The following NRXN3 variants were observed in gnomAD, a reference collection of about 807,000 sequenced individuals.
The protein encoded by NRXN3 is neurexin 3, also known as neurexin III.
Under a neutral mutation model 137.6 loss-of-function variants are expected in NRXN3, and 32 were observed. The ratio of observed to expected loss-of-function variants is 0.23; its 90% CI spans 0.18 to 0.31. NRXN3 has a LOEUF of 0.31. Among genes scored for constraint, NRXN3 ranks in the 10% least tolerant of loss-of-function variants. The pLI is 1.00. For missense variants in NRXN3, 1,574 were observed against 2,062.5 expected (o/e 0.76, Z 4.59); for synonymous variants, 798 against 784.5 (o/e 1.02, Z -0.29).
At chr14:79,111,445 T>C (rs2053496476) in intron 15 of NRXN3, among the ~76,000 whole-genome samples, 2 of 151,982 alleles carry the variant, frequency 1.3e-5, no homozygotes, top group African/African-American at 4.8e-5. Context: ...CTGCTTAAAG[T>C]TTATTAACAA....
intron 1 of NRXN3, among the ~76,000 whole-genome samples, chr14:78,202,707 T>G (rs951299415): frequency 1.3e-5 from 2 of 152,200 alleles, no homozygotes; most frequent in Non-Finnish European, 2.9e-5. Context: ...TTGCTGTGGG[T>G]GGGGACAGTG....
At chr14:78,546,911 A>C (rs1212611026) in intron 4 of NRXN3, among the ~76,000 whole-genome samples, 1 of 151,948 alleles carries the variant, frequency 6.6e-6, no homozygotes, top group African/African-American at 2.4e-5. Context: ...GAGGAGGTCA[A>C]GTGGTGAATG....
chr14:78,821,187 G>A lies in NRXN3; in HGVS notation c.2275+10843G>A, dbSNP rs141460306. Reference sequence around the variant, plus strand: ...GAATTAGAATATTTTTACCTAAACCGATGAATAGGAGTGGAATGAAATTTA... The same window carrying A: ...GAATTAGAATATTTTTACCTAAACCAATGAATAGGAGTGGAATGAAATTTA... On this transcript the variant is annotated intron_variant, in intron 10 of 20. Coordinates refer to ENST00000335750, the MANE Select transcript of NRXN3 (RefSeq NM_001330195.2). Among the ~76,000 whole-genome samples, 503 of 152,240 alleles carry A rather than the reference G, an allele frequency of 3.3e-3. 4 individuals carry two copies. Among genetic ancestry groups the A allele is most frequent in the African/African-American group, 0.012 (479 of 41,546 alleles).
chr14:79,513,459 G>A (rs1263389634), intron 16 of NRXN3, among the ~76,000 whole-genome samples: 2 of 152,128 alleles, frequency 1.3e-5, no homozygotes, highest in Admixed American at 1.3e-4. Flanking sequence ...GTACAGTGAG[G>A]GAATAATCTG....
At chr14:78,560,564 G>T (rs562657286) in intron 4 of NRXN3, among the ~76,000 whole-genome samples, 3 of 152,130 alleles carry the variant, frequency 2.0e-5, no homozygotes, top group Non-Finnish European at 4.4e-5. Context: ...CTGACCCCTC[G>T]CTAGCTGCAG....
chr14:79,732,046 C>A (rs74798460), intron 19 of NRXN3, among the ~76,000 whole-genome samples: 2,108 of 152,122 alleles, frequency 0.014, 54 homozygotes, highest in African/African-American at 0.049. Flanking sequence ...ACAAAGTGAA[C>A]AAATGTGCCA....
intron 15 of NRXN3, among the ~76,000 whole-genome samples, chr14:79,172,351 T>C (rs753748022): frequency 1.3e-5 from 2 of 152,178 alleles, no homozygotes; most frequent in African/African-American, 2.4e-5. Context: ...AATGTATCCC[T>C]CATGTTTATT....
intron 4 of NRXN3, among the ~76,000 whole-genome samples, chr14:78,463,122 G>T (rs1302178135): frequency 6.6e-6 from 1 of 152,136 alleles, no homozygotes; most frequent in African/African-American, 2.4e-5. Context: ...TTCTGAAATA[G>T]TTCACTTAGG....
intron 15 of NRXN3, among the ~76,000 whole-genome samples, chr14:79,422,432 T>A (rs2054098341): frequency 6.6e-6 from 1 of 152,156 alleles, no homozygotes; most frequent in Non-Finnish European, 1.5e-5. Context: ...CACATTTTGA[T>A]GTTCACTACC....
At chr14:78,591,977 T>A (rs1229058224) in intron 4 of NRXN3, among the ~76,000 whole-genome samples, 1 of 152,194 alleles carries the variant, frequency 6.6e-6, no homozygotes, top group Non-Finnish European at 1.5e-5. Flanking sequence ...TGCGTAGGCC[T>A]CAGACTTCTG....
At chr14:78,283,905 CAA>C (rs550581735) in intron 3 of NRXN3, among the ~76,000 whole-genome samples, 84 of 152,324 alleles carry the variant, frequency 5.5e-4, no homozygotes, top group Non-Finnish European at 1.0e-3. Flanking sequence ...CCTTATTAAA[CAA>C]AAGTTTGCCA....
intron 8 of NRXN3, among the ~76,000 whole-genome samples, chr14:78,778,289 C>T (rs1219641720): frequency 6.6e-6 from 1 of 152,122 alleles, no homozygotes; most frequent in African/African-American, 2.4e-5. Context: ...AAGTCTGACA[C>T]ATGGAGTTTA....
intron 17 of NRXN3, among the ~76,000 whole-genome samples, chr14:79,689,329 G>C (rs189368289): frequency 6.6e-6 from 1 of 152,014 alleles, no homozygotes; most frequent in African/African-American, 2.4e-5. Flanking sequence ...GGTTGTTTGC[G>C]CTTCAGTCAA....
chr14:78,419,216 C>G (rs1389754729), intron 4 of NRXN3, among the ~76,000 whole-genome samples: 1 of 152,114 alleles, frequency 6.6e-6, no homozygotes, highest in Non-Finnish European at 1.5e-5. Context: ...TCTCCTAAGC[C>G]TCTAGTCCAA....
intron 15 of NRXN3, among the ~76,000 whole-genome samples, chr14:79,163,529 G>T (rs1253030789): frequency 6.6e-6 from 1 of 151,726 alleles, no homozygotes; most frequent in Non-Finnish European, 1.5e-5. Flanking sequence ...TTCCTGTCCT[G>T]GTACAAATAT....
intron 10 of NRXN3, among the ~76,000 whole-genome samples, chr14:78,926,812 A>T (rs1318702074): frequency 3.8e-5 from 2 of 52,282 alleles, no homozygotes; most frequent in Non-Finnish European, 3.2e-5. Context: ...ATTTATATAT[A>T]TTATATATTA....
At chr14:79,706,504 A>G (rs887610286) in intron 19 of NRXN3, among the ~76,000 whole-genome samples, 1 of 150,898 alleles carries the variant, frequency 6.6e-6, no homozygotes, top group Non-Finnish European at 1.5e-5. Context: ...ATATGGGACA[A>G]TAAGTTGTTG....
intron 15 of NRXN3, among the ~76,000 whole-genome samples, chr14:79,398,476 T>A (rs1300064235): frequency 6.6e-6 from 1 of 151,854 alleles, no homozygotes; most frequent in Non-Finnish European, 1.5e-5. Context: ...CACATCTCAG[T>A]GTAGTAAGCA....
chr14:78,686,862 C>T (rs1567059604), intron 6 of NRXN3, among the ~76,000 whole-genome samples: 1 of 152,062 alleles, frequency 6.6e-6, no homozygotes, highest in Non-Finnish European at 1.5e-5. Flanking sequence ...TTCTGCTGAG[C>T]CTAAGCATAC....
Sources: gnomAD v4.1 joint callset for allele counts (sites outside exome capture counted in the v4.1 genomes callset) on GRCh38, gnomAD v4.1.1 for gene constraint, MANE v1.5 for transcripts, NCBI Gene and HGNC (gene_info 2026-07-23, HGNC 2026-07-21) for gene names.